The following LRP1B variants were observed in gnomAD, a reference collection of about 807,000 sequenced individuals.
LRP1B encodes low-density lipoprotein receptor-related protein 1B.
Under a neutral mutation model 556.6 loss-of-function variants are expected in LRP1B, and 217 were observed. The observed-to-expected ratio is 0.39, with a 90% CI of 0.35 to 0.44. The LOEUF is 0.44. Among genes scored for constraint, LRP1B ranks in the 20% least tolerant of loss-of-function variants. The probability of loss-of-function intolerance (pLI) is 1.00; values close to 1 mark genes in which losing one functional copy is unlikely to be tolerated. For missense variants in LRP1B, 5,053 were observed against 5,620.8 expected, an observed-to-expected ratio of 0.90 and a Z score of 3.23; for synonymous variants, 2,047 against 1,865.8, an observed-to-expected ratio of 1.10 and a Z score of -2.50.
intron 2 of LRP1B, among the ~76,000 whole-genome samples, chr2:141,741,369 C>A (rs187440652): frequency 3.4e-5 from 5 of 146,128 alleles, no homozygotes; most frequent in African/African-American, 1.3e-4. Context: ...TTTTGAGGAG[C>A]CTCCAAACTG....
chr2:140,676,287 CAG>C (rs1248730990), intron 41 of LRP1B, among the ~76,000 whole-genome samples: 1 of 152,078 alleles, frequency 6.6e-6, no homozygotes, highest in Non-Finnish European at 1.5e-5. Context: ...AATAAGATAA[CAG>C]TGCATATTTC....
chr2:141,339,865 T>C (rs1371511154), intron 3 of LRP1B, among the ~76,000 whole-genome samples: 2 of 152,122 alleles, frequency 1.3e-5, no homozygotes, highest in Non-Finnish European at 2.9e-5. Flanking sequence ...GCTGGGTGTT[T>C]AGTGCACTCA....
intron 3 of LRP1B, among the ~76,000 whole-genome samples, chr2:141,257,950 A>G (rs1343946429): frequency 1.3e-5 from 2 of 152,236 alleles, no homozygotes; most frequent in African/African-American, 4.8e-5. Context: ...ATTTTGTTAG[A>G]AAACTTATTT....
intron 2 of LRP1B, among the ~76,000 whole-genome samples, chr2:141,504,359 T>C (rs897183673): frequency 1.3e-5 from 2 of 152,126 alleles, no homozygotes; most frequent in Non-Finnish European, 2.9e-5. Context: ...TTATTTACTA[T>C]GTAATTGATT....
chr2:141,934,217 CAT>C (rs1444061697), intron 1 of LRP1B, among the ~76,000 whole-genome samples: 1 of 151,732 alleles, frequency 6.6e-6, no homozygotes, highest in Non-Finnish European at 1.5e-5. Flanking sequence ...CAATAGGAAT[CAT>C]AGAGTCTAGT....
At chr2:141,066,748 A>C (rs1699491165) in intron 7 of LRP1B, among the ~76,000 whole-genome samples, 1 of 151,986 alleles carries the variant, frequency 6.6e-6, no homozygotes, top group Non-Finnish European at 1.5e-5. Flanking sequence ...AAATGAAATG[A>C]CTTATCATTC....
intron 18 of LRP1B, among the ~76,000 whole-genome samples, chr2:140,974,456 A>G (rs1696529713): frequency 2.0e-5 from 3 of 152,170 alleles, no homozygotes; most frequent in Admixed American, 2.0e-4. Context: ...TTGCACACAC[A>G]ATTTTCAGTG....
At chr2:141,125,862 C>A (rs114067839) in intron 7 of LRP1B, among the ~76,000 whole-genome samples, 3,862 of 90,030 alleles carry the variant, frequency 0.043, 80 homozygotes, top group African/African-American at 0.083. Flanking sequence ...AAAAAAAAAA[C>A]AAAAAACCTC....
intron 7 of LRP1B, among the ~76,000 whole-genome samples, chr2:141,176,894 A>AT (rs1680761988): frequency 6.6e-6 from 1 of 152,096 alleles, no homozygotes; most frequent in Non-Finnish European, 1.5e-5. Context: ...ACAAAAAAAT[A>AT]AAATAAAATT....
At chr2:140,377,327 G>T (rs1274345751) in intron 68 of LRP1B, among the ~76,000 whole-genome samples, 1 of 151,972 alleles carries the variant, frequency 6.6e-6, no homozygotes, top group Non-Finnish European at 1.5e-5. Context: ...CACCCGCCTC[G>T]GCCTCCCAAA....
intron 49 of LRP1B, 71 bp from the exon 50 acceptor site, chr2:140,517,082 T>C: frequency 9.2e-7 from 1 of 1,085,470 alleles, no homozygotes; most frequent in Non-Finnish European, 1.4e-6. Context: ...AAATCATTAA[T>C]ACTCCCTAAA....
At chr2:140,737,967 A>G (rs1318184118) in intron 35 of LRP1B, among the ~76,000 whole-genome samples, 2 of 152,166 alleles carry the variant, frequency 1.3e-5, no homozygotes, top group Non-Finnish European at 2.9e-5. Context: ...ACTTTTTCCA[A>G]TGCAGAGATG....
chr2:141,237,541 C>T (rs1683693748), intron 5 of LRP1B, among the ~76,000 whole-genome samples: 1 of 151,948 alleles, frequency 6.6e-6, no homozygotes, highest in Non-Finnish European at 1.5e-5. Context: ...ATTGTAAAAA[C>T]TCACTCAGGT....
chr2:141,682,625 G>A (rs1053867755), intron 2 of LRP1B, among the ~76,000 whole-genome samples: 2 of 152,032 alleles, frequency 1.3e-5, no homozygotes, highest in African/African-American at 4.8e-5. Flanking sequence ...GAAACTTTTC[G>A]AGTACATGTG....
chr2:142,009,386 A>G (rs778978941), intron 1 of LRP1B, among the ~76,000 whole-genome samples: 5 of 152,026 alleles, frequency 3.3e-5, no homozygotes, highest in Non-Finnish European at 7.4e-5. Flanking sequence ...GTTGAAGTTT[A>G]CTGATAAAGT....
intron 3 of LRP1B, among the ~76,000 whole-genome samples, chr2:141,432,341 T>C (rs1449800106): frequency 6.6e-6 from 1 of 152,112 alleles, no homozygotes; most frequent in Non-Finnish European, 1.5e-5. Flanking sequence ...TTTGGTTTGC[T>C]AGTATTTTGT....
Position 141,109,617 on chromosome 2 carries a change from T to C in LRP1B, c.1014-47344A>G, listed in dbSNP as rs147872800. Among the ~76,000 whole-genome samples, 265 of 146,316 alleles carry C rather than the reference T, an allele frequency of 1.8e-3. 3 individuals carry two copies. The highest frequency in any genetic ancestry group is 6.5e-3 in the African/African-American group (257 of 39,528). ...GAAGGAAGATCCTGCAACCCTGAGA[T>C]GAGAGTTACTTGCCTAAGTGTAGGG... On this transcript the variant is annotated intron_variant, in intron 7 of 90. Transcript: ENST00000389484.
At chr2:141,093,711 GA>G (rs963952487) in intron 7 of LRP1B, among the ~76,000 whole-genome samples, 13 of 146,066 alleles carry the variant, frequency 8.9e-5, no homozygotes, top group African/African-American at 2.5e-4. Context: ...ATCTGTGACT[GA>G]AAAAAAAAAC....
chr2:140,822,610 G>C (rs1691365501), intron 31 of LRP1B, among the ~76,000 whole-genome samples: 1 of 152,204 alleles, frequency 6.6e-6, no homozygotes, highest in Non-Finnish European at 1.5e-5. Context: ...GGTGAAATTG[G>C]TTCTTGGATA....
Sources: gnomAD v4.1 joint callset for allele counts (sites outside exome capture counted in the v4.1 genomes callset) on GRCh38, gnomAD v4.1.1 for gene constraint, MANE v1.5 for transcripts, NCBI Gene and HGNC (gene_info 2026-07-23, HGNC 2026-07-21) for gene names.